The following CCNJL variants were observed in gnomAD, a reference collection of about 807,000 sequenced individuals.
CCNJL encodes the protein cyclin-J-like protein.
CCNJL carries 33 observed loss-of-function variants against 33.4 expected under a neutral mutation model. The ratio of observed to expected loss-of-function variants is 0.99; its 90% CI spans 0.75 to 1.32. CCNJL has a LOEUF of 1.32. Among genes scored for constraint, CCNJL ranks in the 40% most tolerant of loss-of-function variants. The probability of loss-of-function intolerance (pLI) is 0.00; values close to 1 mark genes in which losing one functional copy is unlikely to be tolerated. For synonymous variants in CCNJL, 227 were observed against 220.9 expected, an observed-to-expected ratio of 1.03 and a Z score of -0.24; for missense variants, 512 against 499.7, an observed-to-expected ratio of 1.02 and a Z score of -0.23.
chr5:160,339,201 T>C (rs1763719056), intron 1 of CCNJL, among the ~76,000 whole-genome samples: 1 of 151,958 alleles, frequency 6.6e-6, no homozygotes, highest in African/African-American at 2.4e-5. Context: ...GCTTTGAAGA[T>C]AGAGCAATAA....
intron 2 of CCNJL, among the ~76,000 whole-genome samples, chr5:160,305,004 C>T (rs1320916536): frequency 1.3e-5 from 2 of 151,826 alleles, no homozygotes; most frequent in African/African-American, 4.8e-5. Context: ...TTAGTAGAGA[C>T]GGGGCTTCAC....
intron 1 of CCNJL, among the ~76,000 whole-genome samples, chr5:160,326,120 AAAT>A (rs1763532872): frequency 6.6e-6 from 1 of 152,140 alleles, no homozygotes; most frequent in Non-Finnish European, 1.5e-5. Flanking sequence ...AAGGCCTTTG[AAAT>A]ACTAGAGTTT....
chr5:160,300,598 G>A (rs1372843052), intron 2 of CCNJL, among the ~76,000 whole-genome samples: 3 of 152,080 alleles, frequency 2.0e-5, no homozygotes, highest in African/African-American at 7.2e-5. Context: ...TGTGGCCCAA[G>A]GCAATTCTTC....
In CCNJL at chr5:160,253,441, G is replaced by A. The variant is rs1760897681; in HGVS notation, c.1101C>T (p.Thr367=). 2.5e-6 allele frequency: 4 copies of A among 1,610,800 alleles called. No individual in the cohort carries two copies. Among genetic ancestry groups the A allele is most frequent in the Non-Finnish European group, 3.4e-6 (4 of 1,177,876 alleles). Residue 367 remains threonine, a synonymous_variant, in exon 6 of 6, where the codon ACC becomes ACT. Coordinates refer to ENST00000257536, the MANE Select transcript of CCNJL (RefSeq NM_001308173.3). Reference sequence around the variant, plus strand: ...CACTGAAGTAGCTGCTTCCATAGGTGGTGGCGAGGCAGTGCCTGGGCTCAG... The same window carrying A: ...CACTGAAGTAGCTGCTTCCATAGGTAGTGGCGAGGCAGTGCCTGGGCTCAG... ...IAAEPRHCLA[T]TYGSSYFSGS... is the part of the protein sequence containing the mutation.
At chr5:160,317,680 T>G (rs1581017970), upstream of CCNJL, among the ~76,000 whole-genome samples, 4 of 152,266 alleles carry the variant, frequency 2.6e-5, no homozygotes, top group South Asian at 8.3e-4. Flanking sequence ...CTATTTGAAC[T>G]AGAACTTGCT....
In CCNJL at chr5:160,254,861, C is replaced by T. The variant is rs556616145; in HGVS notation, c.743+688G>A. 86 of 152,972 alleles carry T rather than the reference C, an allele frequency of 5.6e-4. 1 individual carries two copies. In the South Asian group the frequency reaches 0.017, roughly 31 times the overall value. The allele number at this position is 152,972 out of a possible 1,614,324, so 9.5% of individuals were successfully genotyped here. A position where few individuals can be genotyped will look rare whatever the true frequency, so the allele number is the denominator to read the frequency against. ...AGGCTGTGGCGCTTAGGGGAGCTTA[C>T]TGGCTAAGAGGTCAGCTTTGTGACC... On this transcript the variant is annotated intron_variant, in intron 5 of 5. Transcript: ENST00000257536.
chr5:160,320,511 G>A (rs977160632), intron 1 of CCNJL, among the ~76,000 whole-genome samples: 8 of 152,304 alleles, frequency 5.3e-5, no homozygotes, highest in Middle Eastern at 3.4e-3. Context: ...TCTTTATGAG[G>A]AAAAAACCGC....
At chr5:160,328,812 G>A (rs1285169689) in intron 1 of CCNJL, among the ~76,000 whole-genome samples, 3 of 151,768 alleles carry the variant, frequency 2.0e-5, no homozygotes, top group Admixed American at 6.6e-5. Context: ...CCCAGGAGGC[G>A]GAGGTTGCAG....
intron 2 of CCNJL, among the ~76,000 whole-genome samples, chr5:160,300,859 T>C (rs570005646): frequency 1.3e-5 from 2 of 152,252 alleles, no homozygotes; most frequent in Non-Finnish European, 2.9e-5. Context: ...TCAGCACCAT[T>C]TTTAACCTAT....
At chr5:160,296,099 T>A (rs1052045509) in intron 2 of CCNJL, among the ~76,000 whole-genome samples, 3 of 149,810 alleles carry the variant, frequency 2.0e-5, no homozygotes, top group Non-Finnish European at 4.4e-5. Context: ...AGTTGGCTGC[T>A]AAAAACAGTG....
chr5:160,282,996 T>TACAC (rs1762282870), intron 2 of CCNJL, among the ~76,000 whole-genome samples: 2 of 58,170 alleles, frequency 3.4e-5, no homozygotes, highest in African/African-American at 1.6e-4. Flanking sequence ...TATATATATA[T>TACAC]ATATATATAT....
chr5:160,326,562 T>C, intron 1 of CCNJL: 1 of 435,244 alleles, frequency 2.3e-6, no homozygotes, highest in East Asian at 5.1e-5. Flanking sequence ...TCAAAACGAT[T>C]ACACTGCCAA....
intron 2 of CCNJL, among the ~76,000 whole-genome samples, chr5:160,288,556 T>C (rs1304001082): frequency 6.6e-6 from 1 of 151,938 alleles, no homozygotes; most frequent in Non-Finnish European, 1.5e-5. Flanking sequence ...TTATAAATTA[T>C]ATGTTCACTG....
intron 3 of CCNJL, among the ~76,000 whole-genome samples, chr5:160,263,925 CA>C (rs763803531): frequency 2.0e-4 from 30 of 150,956 alleles, no homozygotes; most frequent in Non-Finnish European, 2.5e-4. Flanking sequence ...ATTGGAACAG[CA>C]GGAGCCCTAT....
At chr5:160,278,066 C>G (rs535662113) in intron 3 of CCNJL, among the ~76,000 whole-genome samples, 30 of 152,272 alleles carry the variant, frequency 2.0e-4, no homozygotes, top group African/African-American at 7.2e-4. Flanking sequence ...CACCACCATG[C>G]CCAGCTAATT....
upstream of CCNJL, chr5:160,312,659 T>G (rs1381398764): frequency 6.6e-6 from 1 of 151,732 alleles, no homozygotes; most frequent in African/African-American, 2.4e-5. Flanking sequence ...GGCGGGGGGC[T>G]GGGAATTGGA....
intron 3 of CCNJL, among the ~76,000 whole-genome samples, chr5:160,269,845 C>T (rs1370261932): frequency 6.6e-6 from 1 of 152,198 alleles, no homozygotes; most frequent in African/African-American, 2.4e-5. Flanking sequence ...AAGGTGACAA[C>T]CTGTGTCCCC....
At chr5:160,315,574 G>T, upstream of CCNJL, 1 of 85,918 alleles carries the variant, frequency 1.2e-5, no homozygotes, top group Non-Finnish European at 3.8e-5. Flanking sequence ...AACAAAAAAA[G>T]ATTAGAGTAC....
At chr5:160,316,594 T>C (rs767789043), upstream of CCNJL, among the ~76,000 whole-genome samples, 12 of 152,228 alleles carry the variant, frequency 7.9e-5, no homozygotes, top group Non-Finnish European at 1.6e-4. Flanking sequence ...TCCCAGGCCT[T>C]GTTCTCCTCC....
Sources: allele counts gnomAD v4.1 joint callset (sites outside exome capture counted in the v4.1 genomes callset), GRCh38; gene constraint gnomAD v4.1.1; transcripts MANE v1.5; gene names NCBI Gene and HGNC (gene_info 2026-07-23, HGNC 2026-07-21).